Variants in MTCL2 observed in about 807,000 individuals in gnomAD.
MTCL2 encodes microtubule cross-linking factor 2.
the MTCL2 span, among the ~76,000 whole-genome samples, chr20:36,860,782 G>C: frequency 1.3e-5 from 2 of 152,190 alleles, no homozygotes; most frequent in Non-Finnish European, 2.9e-5. Context: ...AGATCACGCC[G>C]TCAGGAAGCG....
the MTCL2 span, among the ~76,000 whole-genome samples, chr20:36,847,991 A>G: frequency 6.6e-6 from 1 of 152,112 alleles, no homozygotes; most frequent in Non-Finnish European, 1.5e-5. Flanking sequence ...ACAAAAAAAT[A>G]AAAAATTTTA....
At chr20:36,863,080 C>CCACCCGCA in the MTCL2 span, 1 of 1,402,954 alleles carries the variant, frequency 7.1e-7, no homozygotes, top group Non-Finnish European at 9.3e-7. This position sits in a 1 kb window ranked among gnomAD's most constrained non-coding sequence, Gnocchi z 6.2. Flanking sequence ...CGGACCCCGG[C>CCACCCGCA]CACCCGCACA....
At chr20:36,855,569 T>C in the MTCL2 span, among the ~76,000 whole-genome samples, 1 of 152,172 alleles carries the variant, frequency 6.6e-6, no homozygotes, top group Non-Finnish European at 1.5e-5. Context: ...ATGTGGGGAC[T>C]AGGGGAATGA....
At chr20:36,815,673 A>G in the MTCL2 span, 1 of 1,607,834 alleles carries the variant, frequency 6.2e-7, no homozygotes, top group Non-Finnish European at 8.5e-7. This position sits in a 1 kb window ranked among gnomAD's most constrained non-coding sequence, Gnocchi z 5.3. Context: ...CTCGTACTGC[A>G]GCTTCTTGAC....
At chr20:36,793,316 A>G in the MTCL2 span, 1 of 1,551,814 alleles carries the variant, frequency 6.4e-7, no homozygotes. The surrounding 1 kb of genome is among the most constrained non-coding windows in gnomAD (Gnocchi z 6.8). Flanking sequence ...CTGGGGGAGC[A>G]TGGTGAGTCT....
chr20:36,822,726 A>C, the MTCL2 span, among the ~76,000 whole-genome samples: 1 of 151,834 alleles, frequency 6.6e-6, no homozygotes. Context: ...GAAAGCACAG[A>C]CTGTGCTTCA....
At chr20:36,788,387 C>T in the MTCL2 span, among the ~76,000 whole-genome samples, 3 of 151,060 alleles carry the variant, frequency 2.0e-5, no homozygotes, top group Non-Finnish European at 4.4e-5. Flanking sequence ...CGCGGTGGCT[C>T]ATGCCTGTAA....
the MTCL2 span, chr20:36,777,740 C>A: frequency 1.7e-6 from 1 of 577,578 alleles, no homozygotes. Context: ...CTGCAGGACC[C>A]TCACCAGGAA....
the MTCL2 span, chr20:36,802,860 C>A: frequency 1.3e-6 from 2 of 1,579,418 alleles, no homozygotes; most frequent in Non-Finnish European, 1.7e-6. Flanking sequence ...CCTCACCTGG[C>A]TTAGGCGGTT....
the MTCL2 span, chr20:36,793,987 C>A: frequency 6.4e-7 from 1 of 1,551,668 alleles, no homozygotes; most frequent in Non-Finnish European, 8.7e-7. This position sits in a 1 kb window ranked among gnomAD's most constrained non-coding sequence, Gnocchi z 6.8. Flanking sequence ...ATGTGCTCTT[C>A]ACTTTCCTCT....
chr20:36,852,319 A>C, the MTCL2 span, among the ~76,000 whole-genome samples: 1 of 150,562 alleles, frequency 6.6e-6, no homozygotes, highest in African/African-American at 2.4e-5. Flanking sequence ...GGCCCGGGCC[A>C]CTCACCCCAG....
At chr20:36,825,771 C>T in the MTCL2 span, among the ~76,000 whole-genome samples, 3 of 152,130 alleles carry the variant, frequency 2.0e-5, no homozygotes, top group African/African-American at 4.8e-5. Context: ...AGGAAAGAGA[C>T]GGAGGAGGGA....
chr20:36,834,180 G>T, the MTCL2 span, among the ~76,000 whole-genome samples: 5 of 141,764 alleles, frequency 3.5e-5, no homozygotes, highest in Non-Finnish European at 7.8e-5. Context: ...AAAAAAAAAA[G>T]AAAAAAGGAA....
At chr20:36,834,135 C>A in the MTCL2 span, among the ~76,000 whole-genome samples, 1 of 150,342 alleles carries the variant, frequency 6.7e-6, no homozygotes, top group Non-Finnish European at 1.5e-5. Context: ...TGTACTCCAG[C>A]CTGGGTGACA....
At chr20:36,808,702 A>T in the MTCL2 span, 3 of 1,605,178 alleles carry the variant, frequency 1.9e-6, no homozygotes, top group Non-Finnish European at 2.6e-6. Flanking sequence ...TCTGCAGCTC[A>T]AACTCCCGCC....
the MTCL2 span, chr20:36,815,651 G>A: frequency 1.2e-6 from 2 of 1,607,634 alleles, no homozygotes; most frequent in African/African-American, 1.3e-5. The surrounding 1 kb of genome is among the most constrained non-coding windows in gnomAD (Gnocchi z 5.3). Flanking sequence ...GGTTGGAGAG[G>A]AGCACGCGGT....
At chr20:36,841,877 GTGTGTGTGTGTGTGT>G in the MTCL2 span, among the ~76,000 whole-genome samples, 1 of 71,712 alleles carries the variant, frequency 1.4e-5, no homozygotes, top group African/African-American at 4.6e-5. Context: ...GGGGTGGGGT[GTGTGTGTGTGTGTGT>G]GTGTGTGTGT....
chr20:36,807,725 C>T, the MTCL2 span, among the ~76,000 whole-genome samples: 1 of 152,074 alleles, frequency 6.6e-6, no homozygotes, highest in Non-Finnish European at 1.5e-5. Context: ...AGCCTACTCC[C>T]TCTTGTTAAG....
At chr20:36,840,729 C>T in the MTCL2 span, among the ~76,000 whole-genome samples, 7 of 151,872 alleles carry the variant, frequency 4.6e-5, no homozygotes, top group African/African-American at 1.7e-4. Context: ...GCCTGTAGTC[C>T]CAGCTACTCG....
Sources: gnomAD v4.1 joint callset for allele counts (sites outside exome capture counted in the v4.1 genomes callset) on GRCh38, gnomAD v4.1.1 for gene constraint, Gnocchi (gnomAD v3.1) non-coding constraint, MANE v1.5 for transcripts, NCBI Gene and HGNC (gene_info 2026-07-23, HGNC 2026-07-21) for gene names.